The following DAPK2 variants were observed in gnomAD, a reference collection of about 807,000 sequenced individuals.
DAPK2 encodes the protein death-associated protein kinase 2.
DAPK2 carries 35 observed loss-of-function variants against 44.1 expected under a neutral mutation model. The observed-to-expected ratio is 0.79, with a 90% CI of 0.61 to 1.05. The LOEUF is 1.05. Ranked by LOEUF, DAPK2 falls within the 50% of genes least tolerant of loss-of-function variation. The probability of loss-of-function intolerance (pLI) is 0.00; values close to 1 mark genes in which losing one functional copy is unlikely to be tolerated. For synonymous variants in DAPK2, 174 were observed against 182.6 expected (o/e 0.95, Z 0.38); for missense variants, 453 against 483.2 (o/e 0.94, Z 0.59).
chr15:63,983,549 C>A, exon 2 of DAPK2: 1 of 1,614,184 alleles, frequency 6.2e-7, no homozygotes, highest in Non-Finnish European at 8.5e-7. Flanking sequence ...AGGATGAGCA[C>A]CACGTCGGTG....
intron 1 of DAPK2, among the ~76,000 whole-genome samples, chr15:64,036,332 T>C (rs1197127280): frequency 4.0e-5 from 5 of 124,902 alleles, no homozygotes; most frequent in East Asian, 4.0e-4. Context: ...TATATATATA[T>C]ATATACATAT....
Position 63,917,234 on chromosome 15 carries a change from G to C in DAPK2, c.859-5037C>G, listed in dbSNP as rs2078950825. On this transcript the variant is annotated intron_variant, in intron 8 of 10. Coordinates refer to ENST00000261891, the Ensembl canonical transcript of DAPK2. The surrounding 1 kb of genome is among the most constrained non-coding windows in gnomAD (Gnocchi z 4.4). Reference sequence around the variant, plus strand: ...AAAAACTAGTTGGGTGTGGTGGTGGGTGCCTGTAATCTCAGCTACTCAGGA... The same window carrying C: ...AAAAACTAGTTGGGTGTGGTGGTGGCTGCCTGTAATCTCAGCTACTCAGGA... 6.6e-6 allele frequency: 1 copy of C among 152,068 alleles called. No homozygotes were observed. The highest frequency in any genetic ancestry group is 2.4e-5 in the African/African-American group (1 of 41,392). 9.4% of individuals were successfully genotyped at this position (152,068 alleles called of 1,614,324 possible).
chr15:63,996,182 C>G (rs887063369), intron 1 of DAPK2, among the ~76,000 whole-genome samples: 1 of 152,144 alleles, frequency 6.6e-6, no homozygotes, highest in South Asian at 2.1e-4. Flanking sequence ...ACCTATAATG[C>G]CAGCACTTTG....
intron 1 of DAPK2, among the ~76,000 whole-genome samples, chr15:64,038,336 C>A (rs2080264394): frequency 6.6e-6 from 1 of 152,228 alleles, no homozygotes; most frequent in Non-Finnish European, 1.5e-5. Flanking sequence ...GGCACTGAAT[C>A]AAGCATCATT....
intron 3 of DAPK2, among the ~76,000 whole-genome samples, chr15:63,968,370 C>T (rs2078114371): frequency 6.6e-6 from 1 of 152,196 alleles, no homozygotes; most frequent in African/African-American, 2.4e-5. Context: ...ATCCTCACCT[C>T]ACATGCATCC....
At chr15:63,926,413 AAGGAT>A (rs1263064497) in intron 6 of DAPK2, among the ~76,000 whole-genome samples, 1 of 152,106 alleles carries the variant, frequency 6.6e-6, no homozygotes, top group Non-Finnish European at 1.5e-5. Flanking sequence ...AGGCCAGCCA[AAGGAT>A]AGGGGAGCAC....
chr15:64,035,405 G>A (rs1359657900), intron 1 of DAPK2, among the ~76,000 whole-genome samples: 2 of 152,026 alleles, frequency 1.3e-5, no homozygotes, highest in African/African-American at 2.4e-5. Context: ...CACTACCCTC[G>A]AGTACAAACA....
rs183905273 is a variant in DAPK2, at chr15:64,007,681, C to T, written c.93-23927G>A. Among the ~76,000 whole-genome samples, 56 of 152,264 alleles carry T rather than the reference C, an allele frequency of 3.7e-4. 2 individuals carry two copies. In the South Asian group the frequency reaches 0.01, roughly 28 times the overall value. ...AATTCTGCATAAGGGACTGAGAGTCCGACTTTTTTGGCACATCAAATAGCT... is the reference window on the plus strand; with the variant it reads ...AATTCTGCATAAGGGACTGAGAGTCTGACTTTTTTGGCACATCAAATAGCT... On this transcript the variant is annotated intron_variant, in intron 1 of 10. Coordinates refer to ENST00000261891, the Ensembl canonical transcript of DAPK2.
intron 2 of DAPK2, among the ~76,000 whole-genome samples, chr15:63,972,987 T>C (rs1427604333): frequency 1.3e-5 from 2 of 152,186 alleles, no homozygotes. Context: ...AATGGAAGAA[T>C]AACCCTGAAG....
intron 1 of DAPK2, among the ~76,000 whole-genome samples, chr15:64,036,324 T>TATATATATAC (rs2080198059): frequency 2.6e-5 from 3 of 116,020 alleles, no homozygotes; most frequent in African/African-American, 9.2e-5. Context: ...TATATGTATA[T>TATATATATAC]ATATATATAT....
At chr15:63,986,990 T>C (rs1374203813) in intron 1 of DAPK2, among the ~76,000 whole-genome samples, 1 of 151,882 alleles carries the variant, frequency 6.6e-6, no homozygotes, top group African/African-American at 2.4e-5. Context: ...AGGAAAGGAG[T>C]AAAGAAAGGG....
intron 3 of DAPK2, among the ~76,000 whole-genome samples, chr15:63,969,504 C>CTGAGGCGGGTGGACCACT (rs1171451782): frequency 6.6e-6 from 1 of 152,010 alleles, no homozygotes; most frequent in African/African-American, 2.4e-5. Flanking sequence ...TTTTGAGAGG[C>CTGAGGCGGGTGGACCACT]TGAGGCGGGT....
At chr15:63,984,621 G>C (rs576485988) in intron 1 of DAPK2, among the ~76,000 whole-genome samples, 32 of 152,274 alleles carry the variant, frequency 2.1e-4, no homozygotes, top group African/African-American at 7.7e-4. Flanking sequence ...TGACCATCTT[G>C]CCCGGGGGTC....
chr15:63,944,336 C>T (rs1238479233), intron 3 of DAPK2, among the ~76,000 whole-genome samples: 5 of 152,188 alleles, frequency 3.3e-5, no homozygotes, highest in African/African-American at 1.2e-4. Flanking sequence ...GAGGCCATGG[C>T]TCCCTGCTAT....
intron 1 of DAPK2, among the ~76,000 whole-genome samples, chr15:64,033,385 G>T (rs901744291): frequency 6.6e-6 from 1 of 151,292 alleles, no homozygotes; most frequent in African/African-American, 2.4e-5. Flanking sequence ...CTCGGCCTCC[G>T]AAAGTGCTGG....
intron 2 of DAPK2, among the ~76,000 whole-genome samples, chr15:63,979,852 T>C (rs981124827): frequency 4.6e-5 from 7 of 151,994 alleles, no homozygotes; most frequent in African/African-American, 7.2e-5. Flanking sequence ...GAGGTAGAGA[T>C]TGCAGTGAGC....
At chr15:63,991,440 C>A in intron 1 of DAPK2, 1 of 413,286 alleles carries the variant, frequency 2.4e-6, no homozygotes. Context: ...CCTGTTTCCC[C>A]TCCCTGACCT....
intron 2 of DAPK2, among the ~76,000 whole-genome samples, chr15:63,981,581 A>G (rs1173616872): frequency 9.9e-5 from 15 of 152,224 alleles, no homozygotes; most frequent in Admixed American, 9.8e-4. Flanking sequence ...GATTGAGAGG[A>G]ACCACAGAAA....
At chr15:63,976,387 T>G (rs1191264737) in intron 2 of DAPK2, among the ~76,000 whole-genome samples, 2 of 152,232 alleles carry the variant, frequency 1.3e-5, no homozygotes, top group Non-Finnish European at 2.9e-5. Context: ...TTCAGTAGAA[T>G]TGCATTTCAC....
Sources: gnomAD v4.1 joint callset for allele counts (sites outside exome capture counted in the v4.1 genomes callset) on GRCh38, gnomAD v4.1.1 for gene constraint, Gnocchi (gnomAD v3.1) non-coding constraint, MANE v1.5 for transcripts, NCBI Gene and HGNC (gene_info 2026-07-23, HGNC 2026-07-21) for gene names.